Variants in NBAS observed in about 807,000 individuals in gnomAD.
NBAS encodes the protein NBAS subunit of NRZ tethering complex, also known as NAG/BC035112 fusion.
In NBAS, 219 loss-of-function variants were observed where a neutral mutation model predicts 302.5. That is an observed-to-expected ratio of 0.72 (90% CI 0.65 to 0.81). The LOEUF (loss-of-function observed/expected upper bound fraction) is 0.81. Among genes scored for constraint, NBAS ranks in the 30% least tolerant of loss-of-function variants. The probability of loss-of-function intolerance (pLI) is 0.00; values close to 1 mark genes in which losing one functional copy is unlikely to be tolerated. For missense variants in NBAS, 2,932 were observed against 2,841.6 expected, an observed-to-expected ratio of 1.03 and a Z score of -0.72; for synonymous variants, 1,118 against 1,021.6, an observed-to-expected ratio of 1.09 and a Z score of -1.80.
At chr2:14,832,082 A>AGGT in the NBAS span, among the ~76,000 whole-genome samples, 7 of 152,144 alleles carry the variant, frequency 4.6e-5, no homozygotes, top group Non-Finnish European at 8.8e-5. Context: ...TTTTATTTCA[A>AGGT]GGTCATGGCT....
At chr2:15,101,853 T>C in the NBAS span, among the ~76,000 whole-genome samples, 1 of 152,230 alleles carries the variant, frequency 6.6e-6, no homozygotes, top group Non-Finnish European at 1.5e-5. Context: ...ACCTCAGTCT[T>C]CAGTGACTAA....
chr2:14,880,742 A>G, the NBAS span, among the ~76,000 whole-genome samples: 5 of 152,210 alleles, frequency 3.3e-5, no homozygotes, highest in East Asian at 7.7e-4. Flanking sequence ...ACAACAATGT[A>G]ACAGAACTAA....
intron 26 of NBAS, among the ~76,000 whole-genome samples, chr2:15,399,343 C>A (rs1025712683): frequency 3.9e-5 from 6 of 152,172 alleles, no homozygotes; most frequent in Non-Finnish European, 8.8e-5. Context: ...GGGGCTTCTG[C>A]ATCTCTTGTC....
chr2:15,439,306 A>G (rs934542119), intron 21 of NBAS, among the ~76,000 whole-genome samples: 2 of 121,686 alleles, frequency 1.6e-5, no homozygotes, highest in Non-Finnish European at 3.2e-5. Context: ...GGTCTCAAAT[A>G]AAAAAAAAAA....
At chr2:15,163,941 C>T (rs1453441713), downstream of NBAS, among the ~76,000 whole-genome samples, 8 of 152,150 alleles carry the variant, frequency 5.3e-5, no homozygotes, top group East Asian at 3.9e-4. Flanking sequence ...GGATTATAGG[C>T]GTGCGCCACC....
the NBAS span, among the ~76,000 whole-genome samples, chr2:15,144,069 C>CCTATATATATAGATATATATA: frequency 1.1e-5 from 1 of 89,370 alleles, no homozygotes; most frequent in East Asian, 4.0e-4. Context: ...ATATATATAT[C>CCTATATATATAGATATATATA]TCCCATTAGT....
rs996840106 is a variant in NBAS, at chr2:15,482,301, G to C, written c.1084-4012C>G. 2.6e-5 allele frequency among the ~76,000 whole-genome samples: 4 copies of C among 151,830 alleles called. No homozygotes were observed. In the East Asian group the frequency reaches 5.8e-4, roughly 22 times the overall value. On this transcript the variant is annotated intron_variant, in intron 12 of 51. Coordinates refer to ENST00000281513, the MANE Select transcript of NBAS (RefSeq NM_015909.4). ...ACACGCCACTTTTTTATTTTTTGTAGAGATGAAGTCTCACCATGTTGCCCA... is the reference window on the plus strand; with the variant it reads ...ACACGCCACTTTTTTATTTTTTGTACAGATGAAGTCTCACCATGTTGCCCA...
chr2:15,131,349 C>G, the NBAS span, among the ~76,000 whole-genome samples: 1 of 152,168 alleles, frequency 6.6e-6, no homozygotes, highest in Non-Finnish European at 1.5e-5. Context: ...ACCTCTATTA[C>G]TATGAAGCAG....
In NBAS at chr2:15,554,790, T is replaced by C. The variant is rs76779463; in HGVS notation, c.210-652A>G. On this transcript the variant is annotated intron_variant, in intron 3 of 51. Transcript: ENST00000281513. ...TTCTCTCCCTGGAACTATGGTTCTG[T>C]GGAGGATAAGAATAAAATCTCCTAT... Among the ~76,000 whole-genome samples, 1,164 of 151,868 alleles carry C rather than the reference T, an allele frequency of 7.7e-3. 18 individuals are homozygous for C. The highest frequency in any genetic ancestry group is 0.057 in the East Asian group (294 of 5,156).
intron 47 of NBAS, among the ~76,000 whole-genome samples, chr2:15,224,020 T>C (rs1281918827): frequency 6.6e-6 from 1 of 152,104 alleles, no homozygotes; most frequent in Admixed American, 6.6e-5. Flanking sequence ...TCAGAATCAG[T>C]TTTGGTCCGA....
At chr2:15,051,130 G>A in the NBAS span, among the ~76,000 whole-genome samples, 11 of 151,700 alleles carry the variant, frequency 7.3e-5, no homozygotes, top group African/African-American at 2.4e-4. Flanking sequence ...AATCAATTAT[G>A]GAGGATGCAC....
chr2:15,489,248 A>G (rs1680757867), intron 11 of NBAS, among the ~76,000 whole-genome samples: 1 of 152,132 alleles, frequency 6.6e-6, no homozygotes, highest in Non-Finnish European at 1.5e-5. Context: ...ATAACCCAAA[A>G]CCAAAAATTT....
chr2:15,180,305 T>G (rs1356834419), intron 50 of NBAS: 5 of 152,208 alleles, frequency 3.3e-5, no homozygotes, highest in Non-Finnish European at 7.3e-5. Flanking sequence ...TAGAAGGCTG[T>G]GCTACACAAA....
intron 32 of NBAS, among the ~76,000 whole-genome samples, chr2:15,364,846 G>T (rs1458324306): frequency 6.6e-6 from 1 of 152,018 alleles, no homozygotes; most frequent in African/African-American, 2.4e-5. Context: ...AGAAGAGATT[G>T]GGAAAATCTC....
At chr2:14,911,111 C>T in the NBAS span, among the ~76,000 whole-genome samples, 1 of 152,164 alleles carries the variant, frequency 6.6e-6, no homozygotes, top group African/African-American at 2.4e-5. Flanking sequence ...TCAAAGTTAC[C>T]TTTCTGAACC....
rs937667084 is a variant in NBAS at position 15,537,403 on chromosome 2, C to T, written c.514-852G>A. 3.3e-5 allele frequency among the ~76,000 whole-genome samples: 5 copies of T among 152,276 alleles called. No homozygotes were observed. The South Asian group carries it at 1.0e-3, about 32-fold the overall frequency. ...GTCCCATGCATTTCTTAGTCACTTTCCCACAATTTACCACCTCAAAAAGCC... is the reference window on the plus strand; with the variant it reads ...GTCCCATGCATTTCTTAGTCACTTTTCCACAATTTACCACCTCAAAAAGCC... On this transcript the variant is annotated intron_variant, in intron 7 of 51. Transcript: ENST00000281513.
At chr2:15,475,555 A>G in intron 14 of NBAS, 132 bp downstream of exon 14, 2 of 946,904 alleles carry the variant, frequency 2.1e-6, no homozygotes, top group South Asian at 3.4e-5. Context: ...TTATACTACA[A>G]CCATTACCTG....
the NBAS span, among the ~76,000 whole-genome samples, chr2:14,801,396 TTAA>T: frequency 6.6e-6 from 1 of 152,194 alleles, no homozygotes; most frequent in Non-Finnish European, 1.5e-5. Context: ...TGCTATGACT[TTAA>T]TTTCACCAAT....
chr2:14,979,884 CAA>C, the NBAS span, among the ~76,000 whole-genome samples: 1 of 152,046 alleles, frequency 6.6e-6, no homozygotes, highest in Admixed American at 6.5e-5. Context: ...AATTTAGGAG[CAA>C]AATGTGGGCA....
Sources: allele counts gnomAD v4.1 joint callset (sites outside exome capture counted in the v4.1 genomes callset), GRCh38; gene constraint gnomAD v4.1.1; transcripts MANE v1.5; gene names NCBI Gene and HGNC (gene_info 2026-07-23, HGNC 2026-07-21).